The following CTDSPL variants were observed in gnomAD, a reference collection of about 807,000 sequenced individuals.
CTDSPL encodes CTD small phosphatase like.
Under a neutral mutation model 30.5 loss-of-function variants are expected in CTDSPL, and 8 were observed. The ratio of observed to expected loss-of-function variants is 0.26; its 90% CI spans 0.15 to 0.47. The LOEUF is 0.47. Ranked by LOEUF, CTDSPL falls within the 20% of genes least tolerant of loss-of-function variation. CTDSPL has a pLI of 0.99. For missense variants in CTDSPL, 248 were observed against 366.1 expected (o/e 0.68, Z 2.63); for synonymous variants, 110 against 137.9 (o/e 0.80, Z 1.42).
intron 1 of CTDSPL, among the ~76,000 whole-genome samples, chr3:37,893,592 C>T (rs1698354563): frequency 6.6e-6 from 1 of 152,170 alleles, no homozygotes; most frequent in African/African-American, 2.4e-5. Context: ...TAATCATTTG[C>T]CTACCCTTCA....
intron 7 of CTDSPL, among the ~76,000 whole-genome samples, chr3:37,978,320 G>A (rs1246667096): frequency 2.0e-5 from 3 of 152,068 alleles, no homozygotes; most frequent in Non-Finnish European, 4.4e-5. Context: ...CTTTGATATA[G>A]GTTGAATATT....
intron 1 of CTDSPL, among the ~76,000 whole-genome samples, chr3:37,898,404 C>T (rs1698412453): frequency 6.6e-6 from 1 of 152,126 alleles, no homozygotes; most frequent in Non-Finnish European, 1.5e-5. Flanking sequence ...CATATCATGT[C>T]CAAATAATAG....
intron 1 of CTDSPL, among the ~76,000 whole-genome samples, chr3:37,872,801 T>C (rs1234106137): frequency 2.6e-5 from 4 of 152,044 alleles, no homozygotes; most frequent in Admixed American, 2.6e-4. Context: ...TCTCGATCTC[T>C]TGACCTCCTG....
intron 1 of CTDSPL, among the ~76,000 whole-genome samples, chr3:37,936,237 G>T (rs1380436591): frequency 4.6e-5 from 7 of 152,170 alleles, no homozygotes. Context: ...CTTTTATAGA[G>T]TGTCCGGTAG....
chr3:37,932,949 T>C (rs1698871673), intron 1 of CTDSPL, among the ~76,000 whole-genome samples: 1 of 152,118 alleles, frequency 6.6e-6, no homozygotes. Context: ...GGTCAGGAGT[T>C]CGAGACCAGC....
intron 6 of CTDSPL, among the ~76,000 whole-genome samples, chr3:37,972,282 A>C (rs1456934080): frequency 6.6e-6 from 1 of 152,156 alleles, no homozygotes; most frequent in African/African-American, 2.4e-5. Context: ...GTATCACCTG[A>C]GGTCAGGAGT....
chr3:37,982,078 G>A lies in CTDSPL; in HGVS notation c.*1211G>A, dbSNP rs913170184. 31 of 344,402 alleles carry A rather than the reference G, an allele frequency of 9.0e-5. No individual in the cohort carries two copies. In the Admixed American group the frequency reaches 9.5e-4, roughly 11 times the overall value. 21.3% of individuals were successfully genotyped at this position (344,402 alleles called of 1,614,324 possible). A position where few individuals can be genotyped will look rare whatever the true frequency, so the allele number is the denominator to read the frequency against. ...GGCAAAAGGACCACAGCACCACTTA[G>A]GTGTAGCATGGATTTTAAACTGCAG... On this transcript the variant is annotated 3_prime_UTR_variant, in exon 8 of 8. Transcript: ENST00000273179.
intron 1 of CTDSPL, among the ~76,000 whole-genome samples, chr3:37,864,142 T>G (rs1342761628): frequency 6.6e-6 from 1 of 152,148 alleles, no homozygotes; most frequent in Non-Finnish European, 1.5e-5. Flanking sequence ...GTGCTTTGTG[T>G]GATGCTTTGC....
chr3:37,957,150 A>G lies in CTDSPL; in HGVS notation c.267+7A>G, dbSNP rs374030917. 7 of 1,564,228 alleles carry G rather than the reference A, an allele frequency of 4.5e-6. No individual in the cohort carries two copies. The highest frequency in any genetic ancestry group is 5.2e-6 in the Non-Finnish European group (6 of 1,148,582). On this transcript the variant is annotated splice_region_variant and intron_variant, in intron 3 of 7. Transcript: ENST00000273179. ...GGTCATTCCCATACCAAGTGTATGT[A>G]TATTTATCTAATTTTATTTATTAAA...
At chr3:37,922,002 G>A (rs1368976663) in intron 1 of CTDSPL, among the ~76,000 whole-genome samples, 6 of 152,184 alleles carry the variant, frequency 3.9e-5, no homozygotes, top group East Asian at 3.9e-4. Flanking sequence ...GGGAGGCCGA[G>A]GCAGACAGAT....
intron 3 of CTDSPL, among the ~76,000 whole-genome samples, chr3:37,957,869 A>T (rs1173369336): frequency 6.6e-6 from 1 of 152,234 alleles, no homozygotes; most frequent in Non-Finnish European, 1.5e-5. Flanking sequence ...GAGGCCAGTC[A>T]GTAAGAAGTA....
chr3:37,937,207 G>C lies in CTDSPL; in HGVS notation c.80-9850G>C, dbSNP rs1489533490. Among the ~76,000 whole-genome samples, 3 of 150,160 alleles carry C rather than the reference G, an allele frequency of 2.0e-5. 1 individual carries two copies. Among genetic ancestry groups the C allele is most frequent in the African/African-American group, 7.3e-5 (3 of 41,282 alleles). On this transcript the variant is annotated intron_variant, in intron 1 of 7. Coordinates refer to ENST00000273179, the MANE Select transcript of CTDSPL (RefSeq NM_001008392.2). ...AAGAAGAAACATCAGAGGTAGGGGG[G>C]CTTGTGGCTTATCTGACTGCTATGG...
chr3:37,878,099 GT>G (rs1213582685), intron 1 of CTDSPL, among the ~76,000 whole-genome samples: 7 of 152,206 alleles, frequency 4.6e-5, no homozygotes, highest in Admixed American at 3.3e-4. Flanking sequence ...GTTATCTTCT[GT>G]TTTTGTTTGT....
At chr3:37,948,307 A>C (rs546845750) in intron 2 of CTDSPL, among the ~76,000 whole-genome samples, 2 of 152,308 alleles carry the variant, frequency 1.3e-5, no homozygotes, top group Admixed American at 1.3e-4. Flanking sequence ...ATATGTATAT[A>C]TGTATAAGGA....
At chr3:37,943,164 G>A (rs1311634645) in intron 1 of CTDSPL, among the ~76,000 whole-genome samples, 1 of 150,280 alleles carries the variant, frequency 6.7e-6, no homozygotes, top group Non-Finnish European at 1.5e-5. Flanking sequence ...CAGAGGAGAT[G>A]TCCAGCAGAC....
rs1372750226 is a variant in CTDSPL at position 37,937,054 on chromosome 3, A to G, written c.80-10003A>G. On this transcript the variant is annotated intron_variant, in intron 1 of 7. Coordinates refer to ENST00000273179, the MANE Select transcript of CTDSPL (RefSeq NM_001008392.2). ...AGTTAAAGCAGCAAAAGCAGATTTT[A>G]TTGAAAACTGTTGCAGTAGAAGGAA... 3.3e-5 allele frequency among the ~76,000 whole-genome samples: 5 copies of G among 150,342 alleles called. 1 individual carries two copies. The highest frequency in any genetic ancestry group is 6.0e-5 in the Non-Finnish European group (4 of 67,122).
At chr3:37,911,903 C>G (rs1023451913) in intron 1 of CTDSPL, 4 of 298,646 alleles carry the variant, frequency 1.3e-5, no homozygotes, top group African/African-American at 8.9e-5. Flanking sequence ...TACTAAAATA[C>G]AAAAATGTAT....
chr3:37,952,806 T>C (rs182076894), intron 2 of CTDSPL, among the ~76,000 whole-genome samples: 1 of 152,286 alleles, frequency 6.6e-6, no homozygotes, highest in East Asian at 1.9e-4. Flanking sequence ...GTAGATACAC[T>C]AGTCAGTATG....
intron 1 of CTDSPL, among the ~76,000 whole-genome samples, chr3:37,922,438 G>C (rs1471910730): frequency 6.6e-6 from 1 of 152,114 alleles, no homozygotes; most frequent in Non-Finnish European, 1.5e-5. Flanking sequence ...CCCAATTGAG[G>C]GACAGGAGTG....
Sources: gnomAD v4.1 joint callset for allele counts (sites outside exome capture counted in the v4.1 genomes callset) on GRCh38, gnomAD v4.1.1 for gene constraint, MANE v1.5 for transcripts, NCBI Gene and HGNC (gene_info 2026-07-23, HGNC 2026-07-21) for gene names.